The following SPRTN variants were observed in gnomAD, a reference collection of about 807,000 sequenced individuals.
The protein encoded by SPRTN is SprT-like N-terminal domain.
SPRTN carries 11 observed loss-of-function variants against 31.9 expected under a neutral mutation model. The ratio of observed to expected loss-of-function variants is 0.34; its 90% confidence interval spans 0.22 to 0.57. The LOEUF (loss-of-function observed/expected upper bound fraction) is 0.57. Among genes scored for constraint, SPRTN ranks in the 20% least tolerant of loss-of-function variants. The pLI is 0.86. For synonymous variants in SPRTN, 185 were observed against 212.1 expected, an observed-to-expected ratio of 0.87 and a Z score of 1.11; for missense variants, 482 against 590.1, an observed-to-expected ratio of 0.82 and a Z score of 1.90.
intron 2 of SPRTN, 164 bp from the exon 3 acceptor site, chr1:231,347,633 G>C (rs1571997169): frequency 1.3e-6 from 1 of 783,510 alleles, no homozygotes; most frequent in Non-Finnish European, 1.9e-6. Flanking sequence ...CAAAGTGTTG[G>C]GATTACAGGT....
chr1:231,340,107 A>G (rs1451689503), intron 2 of SPRTN: 2 of 336,424 alleles, frequency 5.9e-6, no homozygotes. Context: ...TCACGCCTGT[A>G]ATCCCGACAC....
chr1:231,354,185 GT>G lies in SPRTN; in HGVS notation c.*825del. The stretch of plus-strand genomic sequence containing the variant: ...AACAGTGGAAAGTTATCTGGAAATA[GT>G]ATTTTGAACTTTAAGCCAAGTTTAA... On this transcript the variant is annotated 3_prime_UTR_variant, in exon 5 of 5. Transcript: ENST00000295050. 2.0e-6 allele frequency: 2 copies of G among 984,030 alleles called. No individual in the cohort carries two copies. The allele number at this position is 984,030 out of a possible 1,614,324, so 61.0% of individuals were successfully genotyped here.
chr1:231,346,290 G>T (rs1571995869), intron 2 of SPRTN, among the ~76,000 whole-genome samples: 1 of 145,750 alleles, frequency 6.9e-6, no homozygotes, highest in Non-Finnish European at 1.5e-5. Context: ...CCAGGTTCAA[G>T]CAATTCCCCT....
At chr1:231,341,516 G>A (rs1686889115) in intron 2 of SPRTN, among the ~76,000 whole-genome samples, 1 of 151,986 alleles carries the variant, frequency 6.6e-6, no homozygotes, top group South Asian at 2.1e-4. Context: ...GTCAAATTAG[G>A]GATGTTCAAC....
chr1:231,352,521 G>A, intron 4 of SPRTN, 89 bp from the exon 5 acceptor site: 1 of 1,497,376 alleles, frequency 6.7e-7, no homozygotes, highest in Non-Finnish European at 8.9e-7. Flanking sequence ...TCTTCATTTT[G>A]AGAAAACTGT....
chr1:231,343,560 C>G (rs1363766670), intron 2 of SPRTN, among the ~76,000 whole-genome samples: 2 of 152,070 alleles, frequency 1.3e-5, no homozygotes, highest in East Asian at 3.9e-4. Flanking sequence ...TTGTTACTAC[C>G]ATCACCACTC....
chr1:231,351,529 G>A lies in SPRTN; in HGVS notation c.676G>A (p.Ala226Thr), dbSNP rs142741946. 1.8e-5 allele frequency: 29 copies of A among 1,614,012 alleles called. 2 individuals carry two copies. In the South Asian group the frequency reaches 3.0e-4, roughly 16 times the overall value. Reference sequence around the variant, plus strand: ...TTACTCAAAAAAAGGCAAAGGAAAGGCAAAACTAGGAAAGGAACCAGTATT... The same window carrying A: ...TTACTCAAAAAAAGGCAAAGGAAAGACAAAACTAGGAAAGGAACCAGTATT... ...ENYSKKGKGK[A>T]KLGKEPVLAA... Residue 226 changes from alanine to threonine, a missense_variant, in exon 4 of 5, where the codon GCA becomes ACA. By Grantham distance (58) the Ala-to-Thr change is moderately conservative. Around this residue, in one of 2 missense-constraint regions of SPRTN, gnomAD observed 325 missense variants for 350.2 expected, o/e 0.93. Coordinates refer to ENST00000295050, the MANE Select transcript of SPRTN (RefSeq NM_032018.7).
At chr1:231,339,678 C>A in intron 1 of SPRTN, 91 bp from the exon 2 acceptor site, 1 of 1,261,558 alleles carries the variant, frequency 7.9e-7, no homozygotes, top group Non-Finnish European at 1.2e-6. Flanking sequence ...AAGCCATCTG[C>A]CAACTGAGTT....
chr1:231,343,618 ACGT>A (rs1424300201), intron 2 of SPRTN, among the ~76,000 whole-genome samples: 1 of 152,002 alleles, frequency 6.6e-6, no homozygotes, highest in African/African-American at 2.4e-5. Flanking sequence ...TTTGGACTAA[ACGT>A]CGTCTTTACC....
intron 2 of SPRTN, 135 bp from the exon 3 acceptor site, chr1:231,347,662 C>T: frequency 9.4e-7 from 1 of 1,064,512 alleles, no homozygotes; most frequent in Non-Finnish European, 1.3e-6. Context: ...CTGCACCCGG[C>T]CTAGAATGAG....
At chr1:231,347,433 C>T (rs561136465) in intron 2 of SPRTN, among the ~76,000 whole-genome samples, 83 of 152,310 alleles carry the variant, frequency 5.4e-4, no homozygotes, top group Non-Finnish European at 8.4e-4. Flanking sequence ...AATCACAGCT[C>T]ACTGCAGCGT....
intron 4 of SPRTN, chr1:231,352,143 T>G (rs1691164420): frequency 1.0e-6 from 1 of 989,474 alleles, no homozygotes; most frequent in Admixed American, 5.9e-5. Flanking sequence ...CTGAAGATGC[T>G]TCTTCCCTTG....
chr1:231,339,777 G>T lies in SPRTN; in HGVS notation c.230G>T (p.Gly77Val). ...TGGTGATTGTTTTCTAGGTGTGCTG[G>T]GATATGCAGCTATGAAGGGAAGGGT... Reference protein sequence around the residue: ...KWSVRMTLCAGICSYEGKGGM... With the variant: ...KWSVRMTLCAVICSYEGKGGM... The change falls in exon 2 of 5, where the codon GGG becomes GTG. Residue 77 changes from glycine to valine, a missense_variant. By Grantham distance (109) the Gly-to-Val change is moderately radical. Transcript: ENST00000295050. The T allele has an allele frequency of 1.2e-6, 2 of 1,614,098 alleles. No homozygotes were observed. The highest frequency in any genetic ancestry group is 2.2e-5 in the South Asian group (2 of 91,076).
intron 2 of SPRTN, among the ~76,000 whole-genome samples, chr1:231,341,696 A>G (rs2355873): frequency 0.61 from 92,836 of 152,084 alleles, 28,459 homozygotes; most frequent in Middle Eastern, 0.65. Flanking sequence ...CAAAAAGAAT[A>G]TACAATCAGG....
At chr1:231,348,184 C>G (rs1687119313) in intron 3 of SPRTN, among the ~76,000 whole-genome samples, 1 of 152,200 alleles carries the variant, frequency 6.6e-6, no homozygotes, top group African/African-American at 2.4e-5. Context: ...CAGTACGTCA[C>G]TTCTGGAATC....
chr1:231,344,972 T>C (rs976348381), intron 2 of SPRTN, among the ~76,000 whole-genome samples: 8 of 152,216 alleles, frequency 5.3e-5, no homozygotes, highest in Non-Finnish European at 1.2e-4. Context: ...TTACTTGCTG[T>C]AGGAGCTGTT....
At chr1:231,351,189 G>A (rs1687214930) in intron 3 of SPRTN, 115 bp from the exon 4 acceptor site, 1 of 1,177,110 alleles carries the variant, frequency 8.5e-7, no homozygotes, top group Non-Finnish European at 1.1e-6. Context: ...GAAAGCTCTG[G>A]GAAAGTTTCA....
intron 3 of SPRTN, among the ~76,000 whole-genome samples, chr1:231,350,827 TCA>T (rs1687202320): frequency 6.7e-5 from 2 of 30,010 alleles, no homozygotes; most frequent in Middle Eastern, 0.029. Context: ...GTTGTTAGCG[TCA>T]GTCAGGCATT....
chr1:231,339,715 G>A, intron 1 of SPRTN, 54 bp from the exon 2 acceptor site: 1 of 1,557,546 alleles, frequency 6.4e-7, no homozygotes, highest in Non-Finnish European at 8.9e-7. Flanking sequence ...GAATGTGTAA[G>A]GACTTGGGCA....
Sources: gnomAD v4.1 joint callset for allele counts (sites outside exome capture counted in the v4.1 genomes callset) on GRCh38, gnomAD v4.1.1 for gene constraint, gnomAD v4.1.1 regional missense constraint, MANE v1.5 for transcripts, NCBI Gene and HGNC (gene_info 2026-07-23, HGNC 2026-07-21) for gene names.